Variants in ANKRD33B observed in about 807,000 individuals in gnomAD.
ANKRD33B encodes the protein ankyrin repeat domain 33B.
ANKRD33B carries 6 observed loss-of-function variants against 21.5 expected under a neutral mutation model. The observed-to-expected ratio is 0.28, with a 90% CI of 0.15 to 0.55. The LOEUF (loss-of-function observed/expected upper bound fraction) is 0.55, where lower values mean the gene tolerates loss of function less well. Among genes scored for constraint, ANKRD33B ranks in the 20% least tolerant of loss-of-function variants. ANKRD33B has a pLI of 0.94. For synonymous variants in ANKRD33B, 347 were observed against 342.4 expected (o/e 1.01, Z -0.15); for missense variants, 698 against 747.2 (o/e 0.93, Z 0.77).
Position 10,649,309 on chromosome 5 carries a change from G to C in ANKRD33B, c.681G>C (p.Pro227=). ...HARDPRRGMS[P]QEWATYTGRV... is the part of the protein sequence containing the mutation. ...GGGACCCCCGCCGTGGGATGTCGCC[G>C]CAGGAGTGGGCCACTTACACGGGCC... Residue 227 remains proline, a synonymous_variant, in exon 4 of 4, where the codon CCG becomes CCC. Coordinates refer to ENST00000296657, the MANE Select transcript of ANKRD33B (RefSeq NM_001164440.2). 6.5e-7 allele frequency: 1 copy of C among 1,532,542 alleles called. No individual in the cohort carries two copies. Among genetic ancestry groups the C allele is most frequent in the Non-Finnish European group, 8.7e-7 (1 of 1,145,124 alleles). The allele number at this position is 1,532,542 out of a possible 1,614,324, so 94.9% of individuals were successfully genotyped here.
At chr5:10,606,049 G>C (rs139761600) in intron 1 of ANKRD33B, among the ~76,000 whole-genome samples, 1 of 152,166 alleles carries the variant, frequency 6.6e-6, no homozygotes, top group Non-Finnish European at 1.5e-5. Flanking sequence ...TGATCACTGC[G>C]TGGAAACCAC....
chr5:10,644,681 C>A (rs1485940997), intron 3 of ANKRD33B, among the ~76,000 whole-genome samples: 1 of 152,176 alleles, frequency 6.6e-6, no homozygotes, highest in Admixed American at 6.5e-5. Context: ...GATTTCCAAC[C>A]ATATAGAGGT....
At chr5:10,623,130 G>C (rs1736460459) in intron 2 of ANKRD33B, among the ~76,000 whole-genome samples, 1 of 152,168 alleles carries the variant, frequency 6.6e-6, no homozygotes, top group Admixed American at 6.5e-5. Context: ...TGGGACCTCA[G>C]GGGGAAGGTG....
chr5:10,568,900 G>C (rs992839954), intron 1 of ANKRD33B, among the ~76,000 whole-genome samples: 27 of 152,136 alleles, frequency 1.8e-4, no homozygotes, highest in African/African-American at 6.5e-4. Context: ...CCATTGGTTT[G>C]TTTTGTTAGG....
rs1035700199 is a variant in ANKRD33B at position 10,656,929 on chromosome 5, A to C, written c.*6816A>C. 1.3e-5 allele frequency: 2 copies of C among 152,096 alleles called. No homozygotes were observed. The highest frequency in any genetic ancestry group is 2.9e-5 in the Non-Finnish European group (2 of 67,970). 9.4% of individuals were successfully genotyped at this position (152,096 alleles called of 1,614,324 possible). A position where few individuals can be genotyped will look rare whatever the true frequency, so the allele number is the denominator to read the frequency against. ...CAATGCTAACACAGTTCAGTTTTTG[A>C]GGGAACTAGTTTTGTCATAATACTA... On this transcript the variant is annotated 3_prime_UTR_variant, in exon 4 of 4. Coordinates refer to ENST00000296657, the MANE Select transcript of ANKRD33B (RefSeq NM_001164440.2).
chr5:10,578,013 C>T (rs1735362735), intron 1 of ANKRD33B, among the ~76,000 whole-genome samples: 2 of 152,196 alleles, frequency 1.3e-5, no homozygotes, highest in South Asian at 4.1e-4. Context: ...TGTGAGGGGC[C>T]TTCAGGAGTG....
rs574104660 is a variant in ANKRD33B at position 10,616,463 on chromosome 5, C to G, written c.367-1870C>G. 2.1e-3 allele frequency among the ~76,000 whole-genome samples: 313 copies of G among 150,342 alleles called. 1 individual carries two copies. Among genetic ancestry groups the G allele is most frequent in the Non-Finnish European group, 3.4e-3 (231 of 67,862 alleles). On this transcript the variant is annotated intron_variant, in intron 1 of 3. Coordinates refer to ENST00000296657, the MANE Select transcript of ANKRD33B (RefSeq NM_001164440.2). ...ACTGTAATCCCAGTTACTTGAGAGA[C>G]TGAAGCAGGAGAATCGCTTGAACCC...
intron 1 of ANKRD33B, among the ~76,000 whole-genome samples, chr5:10,615,342 T>A (rs940030413): frequency 1.3e-5 from 2 of 152,220 alleles, no homozygotes. Context: ...CAATGTCTCC[T>A]GAGAAAACGA....
intron 1 of ANKRD33B, among the ~76,000 whole-genome samples, chr5:10,603,267 A>T (rs917825029): frequency 6.6e-6 from 1 of 151,238 alleles, no homozygotes; most frequent in African/African-American, 2.4e-5. Context: ...CCTTAAAAAA[A>T]ATTTTTTTTT....
chr5:10,583,686 C>CA (rs1207122078), intron 1 of ANKRD33B, among the ~76,000 whole-genome samples: 2 of 147,916 alleles, frequency 1.4e-5, no homozygotes, highest in Non-Finnish European at 3.0e-5. Context: ...TCTTCCTCAC[C>CA]AAGAGTTTTG....
chr5:10,641,225 C>CTTCTTCTTCTT lies in ANKRD33B; in HGVS notation c.637+3059_637+3060insCTTCTTCTTTT, dbSNP rs1553995125. On this transcript the variant is annotated intron_variant, in intron 3 of 3. Transcript: ENST00000296657. ...TGTCCCCAGTCTTCTTCTTCTTCTT[C>CTTCTTCTTCTT]TTTTTTTTTTTTTTTTTTTTTTTGA... Among the ~76,000 whole-genome samples, 415 of 77,428 alleles carry CTTCTTCTTCTT rather than the reference C, an allele frequency of 5.4e-3. 13 individuals carry two copies. The highest frequency in any genetic ancestry group is 0.019 in the South Asian group (37 of 1,980). The allele number at this position is 77,428 out of a possible 152,430, so 50.8% of individuals were successfully genotyped here. A position where few individuals can be genotyped will look rare whatever the true frequency, so the allele number is the denominator to read the frequency against.
At position 10,656,187 on chromosome 5, in the gene ANKRD33B, A is replaced by C. The variant is rs565495798; in HGVS notation, c.*6074A>C. Reference sequence around the variant, plus strand: ...GGTTCCTTCATTAACATTTTAAATAAGTGGCTAAAAAAACTCCTCTGGAGG... The same window carrying C: ...GGTTCCTTCATTAACATTTTAAATACGTGGCTAAAAAAACTCCTCTGGAGG... On this transcript the variant is annotated 3_prime_UTR_variant, in exon 4 of 4. Coordinates refer to ENST00000296657, the MANE Select transcript of ANKRD33B (RefSeq NM_001164440.2). The C allele has an allele frequency of 1.3e-5, 2 of 152,318 alleles. No homozygotes were observed. Among genetic ancestry groups the C allele is most frequent in the Non-Finnish European group, 2.9e-5 (2 of 68,034 alleles). The allele number at this position is 152,318 out of a possible 1,614,324, so 9.4% of individuals were successfully genotyped here. A position where few individuals can be genotyped will look rare whatever the true frequency, so the allele number is the denominator to read the frequency against.
chr5:10,627,991 T>A (rs1736617109), intron 2 of ANKRD33B: 1 of 152,308 alleles, frequency 6.6e-6, no homozygotes, highest in African/African-American at 2.4e-5. Flanking sequence ...TCCATCTGCA[T>A]GGTAAATGCC....
chr5:10,573,731 AAAACCATCAGATCTT>A (rs1384947203), intron 1 of ANKRD33B, among the ~76,000 whole-genome samples: 1 of 152,172 alleles, frequency 6.6e-6, no homozygotes, highest in African/African-American at 2.4e-5. Flanking sequence ...GTGCCACATT[AAAACCATCAGATCTT>A]GTGAGAACTC....
intron 1 of ANKRD33B, among the ~76,000 whole-genome samples, chr5:10,603,342 A>T (rs1735972623): frequency 6.6e-6 from 1 of 151,888 alleles, no homozygotes; most frequent in Non-Finnish European, 1.5e-5. Flanking sequence ...AGTTCACTGC[A>T]ACCTACGCCT....
At chr5:10,599,925 G>T (rs907009494) in intron 1 of ANKRD33B, among the ~76,000 whole-genome samples, 1 of 152,226 alleles carries the variant, frequency 6.6e-6, no homozygotes, top group East Asian at 1.9e-4. Context: ...TTCCACAGTG[G>T]CTGCACCACA....
chr5:10,621,216 C>T (rs893391478), intron 2 of ANKRD33B, among the ~76,000 whole-genome samples: 2 of 152,162 alleles, frequency 1.3e-5, no homozygotes, highest in East Asian at 1.9e-4. Context: ...TGGACTTTCC[C>T]AGTCCCTGTC....
At chr5:10,634,460 TTTTTC>T (rs1736807297) in intron 2 of ANKRD33B, among the ~76,000 whole-genome samples, 3 of 148,834 alleles carry the variant, frequency 2.0e-5, no homozygotes, top group African/African-American at 7.3e-5. Flanking sequence ...AAACTAGATT[TTTTTC>T]TTTTTTTTTT....
At position 10,576,308 on chromosome 5, in the gene ANKRD33B, C is replaced by T. The variant is rs151076067; in HGVS notation, c.366+11475C>T. 1.6e-3 allele frequency among the ~76,000 whole-genome samples: 237 copies of T among 152,280 alleles called. No homozygotes were observed. Among genetic ancestry groups the T allele is most frequent in the African/African-American group, 5.2e-3 (218 of 41,550 alleles). ...TCACTGGAAATATTGGGCAACAGAACCTGGCTGCCTTCACTGTGGTTCATG... is the reference window on the plus strand; with the variant it reads ...TCACTGGAAATATTGGGCAACAGAATCTGGCTGCCTTCACTGTGGTTCATG... On this transcript the variant is annotated intron_variant, in intron 1 of 3. Transcript: ENST00000296657. This position sits in a 1 kb window ranked among gnomAD's most constrained non-coding sequence, Gnocchi z 4.1.
Sources: gnomAD v4.1 joint callset for allele counts (sites outside exome capture counted in the v4.1 genomes callset) on GRCh38, gnomAD v4.1.1 for gene constraint, Gnocchi (gnomAD v3.1) non-coding constraint, MANE v1.5 for transcripts, NCBI Gene and HGNC (gene_info 2026-07-23, HGNC 2026-07-21) for gene names.